Variants in RASGRF1 observed in about 807,000 individuals in gnomAD.
RASGRF1 encodes the protein Ras protein specific guanine nucleotide releasing factor 1, also known as ras-specific guanine nucleotide-releasing factor 1.
In RASGRF1, 40 loss-of-function variants were observed where a neutral mutation model predicts 138.7. The ratio of observed to expected loss-of-function variants is 0.29; its 90% CI spans 0.22 to 0.38. The LOEUF (loss-of-function observed/expected upper bound fraction) is 0.38. RASGRF1 is among the 10% of genes least tolerant of loss of function. The probability of loss-of-function intolerance (pLI) is 1.00; values close to 1 mark genes in which losing one functional copy is unlikely to be tolerated. For missense variants in RASGRF1, 1,108 were observed against 1,650.4 expected (o/e 0.67, Z 5.69); for synonymous variants, 614 against 663.2 (o/e 0.93, Z 1.14).
At chr15:79,040,651 T>TAGAGAG (rs112675333) in intron 5 of RASGRF1, among the ~76,000 whole-genome samples, 65 of 150,974 alleles carry the variant, frequency 4.3e-4, no homozygotes, top group African/African-American at 8.5e-4. Flanking sequence ...GAGCGAGAGC[T>TAGAGAG]AGAGAGAGAG....
At chr15:79,021,036 C>G (rs946296441) in intron 10 of RASGRF1, among the ~76,000 whole-genome samples, 7 of 152,156 alleles carry the variant, frequency 4.6e-5, no homozygotes, top group Non-Finnish European at 5.9e-5. Context: ...GGCCTCCAGC[C>G]AACAGCCATG....
chr15:79,019,988 G>T (rs2304993), intron 11 of RASGRF1, 53 bp downstream of exon 11: 1 of 1,593,244 alleles, frequency 6.3e-7, no homozygotes, highest in Non-Finnish European at 8.6e-7. Flanking sequence ...AGGAGTGAGC[G>T]TGTGTGTATC....
At chr15:79,059,417 CCCTT>C in intron 2 of RASGRF1, among the ~76,000 whole-genome samples, 1 of 134,992 alleles carries the variant, frequency 7.4e-6, no homozygotes, top group African/African-American at 2.9e-5. Context: ...CCCTTCCCTT[CCCTT>C]CCCTATCCTC....
At position 79,006,245 on chromosome 15, in the gene RASGRF1, G is replaced by A. The variant is rs973497310; in HGVS notation, c.2016C>T (p.Ile672=). The change falls in exon 14 of 27, where the codon ATC becomes ATT. Residue 672 remains isoleucine (I), a synonymous_variant. Transcript: ENST00000558480. This position sits in a 1 kb window ranked among gnomAD's most constrained non-coding sequence, Gnocchi z 4.0. ...LHSYRVFTTA[I]VVLDKLITIY... is the part of the protein sequence containing the mutation. ...TGGTAATGAGCTTGTCCAGGACCAC[G>A]ATGGCGGTGGTGAAGACGCGGTAGG... 11 of 1,614,200 alleles carry A rather than the reference G, an allele frequency of 6.8e-6. No individual in the cohort carries two copies. Among genetic ancestry groups the A allele is most frequent in the Non-Finnish European group, 7.6e-6 (9 of 1,180,036 alleles).
At chr15:79,022,462 C>A in intron 10 of RASGRF1, among the ~76,000 whole-genome samples, 1 of 150,404 alleles carries the variant, frequency 6.6e-6, no homozygotes. Context: ...AACAACCCCC[C>A]CCCAAAAACC....
chr15:79,076,659 T>C (rs570362838), intron 1 of RASGRF1, among the ~76,000 whole-genome samples: 5 of 152,162 alleles, frequency 3.3e-5, no homozygotes, highest in African/African-American at 1.2e-4. Context: ...TGGAATCAAG[T>C]GGTGGGGGCA....
rs945125447 is a variant in RASGRF1, at chr15:79,027,208, C to T, written c.1381+533G>A. ...CCTTCACCCACCCCTCTCAACGGGG[C>T]CGTGCCTCTCAAACACTGCTCCCAA... On this transcript the variant is annotated intron_variant, in intron 9 of 26. Transcript: ENST00000558480. This position sits in a 1 kb window ranked among gnomAD's most constrained non-coding sequence, Gnocchi z 4.8. Among the ~76,000 whole-genome samples the T allele has an allele frequency of 2.0e-5, 3 of 152,176 alleles. No individual in the cohort carries two copies. Among genetic ancestry groups the T allele is most frequent in the African/African-American group, 7.2e-5 (3 of 41,434 alleles).
In RASGRF1 at chr15:78,999,674, T is replaced by C. The variant is rs2056475306; in HGVS notation, c.2746+69A>G. 2.6e-6 allele frequency: 4 copies of C among 1,554,630 alleles called. No individual in the cohort carries two copies. The African/African-American group carries it at 4.1e-5, about 16-fold the overall frequency. ...ACAGCAGAGCAAGTCCCCGGGACCA[T>C]GGCTGCTATCACCTGCCACTGGGGC... On this transcript the variant is annotated intron_variant, in intron 17 of 26. Transcript: ENST00000558480.
chr15:79,033,439 T>C (rs772894274), intron 6 of RASGRF1, among the ~76,000 whole-genome samples: 1 of 151,856 alleles, frequency 6.6e-6, no homozygotes, highest in South Asian at 2.1e-4. Context: ...TTTGTAGAGA[T>C]AGAGTTTTAC....
intron 5 of RASGRF1, among the ~76,000 whole-genome samples, chr15:79,039,596 T>C (rs1192027018): frequency 6.6e-6 from 1 of 152,210 alleles, no homozygotes; most frequent in Non-Finnish European, 1.5e-5. Flanking sequence ...TTGGGTGAAA[T>C]GACATCTTTA....
intron 19 of RASGRF1, among the ~76,000 whole-genome samples, chr15:78,997,322 C>T (rs556903826): frequency 2.6e-5 from 4 of 152,356 alleles, no homozygotes; most frequent in Admixed American, 1.3e-4. Flanking sequence ...CAGCATCCTA[C>T]ACCCTGTACT....
At chr15:79,038,925 C>T (rs912778376) in intron 5 of RASGRF1, among the ~76,000 whole-genome samples, 1 of 151,988 alleles carries the variant, frequency 6.6e-6, no homozygotes, top group African/African-American at 2.4e-5. Flanking sequence ...ATAGCCTTTC[C>T]CTCAGTTTGG....
In RASGRF1 at chr15:79,017,813, G is replaced by A. The variant is rs141668129; in HGVS notation, c.1700C>T (p.Ser567Leu). 3 of 1,612,402 alleles carry A rather than the reference G, an allele frequency of 1.9e-6. No individual in the cohort carries two copies. The highest frequency in any genetic ancestry group is 1.3e-5 in the African/African-American group (1 of 74,802). ...CCACGCTGCCTTCTCCTGTCTGGAC[G>A]AGGCCACTAGGATGACTGTAAAGGG... ...SPPFTVILVA[S>L]SRQEKAAWTS... is the part of the protein sequence containing the mutation. The change falls in exon 12 of 27, where the codon TCG becomes TTG. Residue 567 changes from serine to leucine, a missense_variant. By Grantham distance (145) the Ser-to-Leu change is moderately radical. Around this residue, in one of 3 missense-constraint regions of RASGRF1, gnomAD observed 686 missense variants for 976.7 expected, o/e 0.70. Coordinates refer to ENST00000558480, the MANE Select transcript of RASGRF1 (RefSeq NM_001145648.3).
At chr15:79,086,366 C>T (rs189641732) in intron 1 of RASGRF1, among the ~76,000 whole-genome samples, 12 of 152,314 alleles carry the variant, frequency 7.9e-5, no homozygotes, top group Admixed American at 1.3e-4. Flanking sequence ...CCAGAGAACG[C>T]ATCTCATTTC....
At chr15:79,017,739 C>T in intron 12 of RASGRF1, 31 bp downstream of exon 12, 1 of 1,584,418 alleles carries the variant, frequency 6.3e-7, no homozygotes, top group Non-Finnish European at 8.6e-7. Context: ...GAAGGGACCA[C>T]TCGCTTTCAG....
At chr15:79,078,422 C>A (rs1328453545) in intron 1 of RASGRF1, among the ~76,000 whole-genome samples, 1 of 152,306 alleles carries the variant, frequency 6.6e-6, no homozygotes, top group East Asian at 1.9e-4. Context: ...GTGCTCATGC[C>A]GTGGTGTACA....
intron 1 of RASGRF1, among the ~76,000 whole-genome samples, chr15:79,069,850 A>T (rs1474840037): frequency 6.6e-6 from 1 of 152,200 alleles, no homozygotes; most frequent in Non-Finnish European, 1.5e-5. Context: ...ATTCACAGAC[A>T]TTATAATTAT....
At chr15:79,058,556 G>C in intron 2 of RASGRF1, 75 bp from the exon 3 acceptor site, 1 of 1,565,544 alleles carries the variant, frequency 6.4e-7, no homozygotes, top group East Asian at 2.3e-5. Flanking sequence ...CACTGACCGG[G>C]AGAGGGGCTC....
At chr15:79,036,914 C>T (rs1402377456) in intron 5 of RASGRF1, among the ~76,000 whole-genome samples, 23 of 151,936 alleles carry the variant, frequency 1.5e-4, no homozygotes, top group Admixed American at 1.4e-3. Flanking sequence ...TGAGAAAGAC[C>T]GAAACCAATG....
Sources: allele counts gnomAD v4.1 joint callset (sites outside exome capture counted in the v4.1 genomes callset), GRCh38; gene constraint gnomAD v4.1.1; regional missense constraint gnomAD v4.1.1; non-coding constraint Gnocchi (gnomAD v3.1); transcripts MANE v1.5; gene names NCBI Gene and HGNC (gene_info 2026-07-23, HGNC 2026-07-21).